Variants in MAGI3 observed in about 807,000 individuals in gnomAD.
MAGI3 encodes membrane associated guanylate kinase, WW and PDZ domain containing 3.
A neutral mutation model predicts 121.8 loss-of-function variants in MAGI3; 43 were observed. The ratio of observed to expected loss-of-function variants is 0.35; its 90% CI spans 0.28 to 0.46. The LOEUF (loss-of-function observed/expected upper bound fraction) is 0.46, where lower values mean the gene tolerates loss of function less well. MAGI3 is among the 20% of genes least tolerant of loss of function. The pLI, the probability that MAGI3 is intolerant of heterozygous loss-of-function variation, is 1.00. For missense variants in MAGI3, 1,547 were observed against 1,797.3 expected (o/e 0.86, Z 2.52); for synonymous variants, 553 against 639.3 (o/e 0.86, Z 2.04).
At chr1:113,451,469 A>G (rs1654480015) in intron 1 of MAGI3, among the ~76,000 whole-genome samples, 1 of 152,328 alleles carries the variant, frequency 6.6e-6, no homozygotes, top group Admixed American at 6.5e-5. Context: ...AACTCCCTAC[A>G]TATGCAGTTT....
rs542981277 is a variant in MAGI3, at chr1:113,478,363, G to A, written c.317-71152G>A. Among the ~76,000 whole-genome samples the A allele has an allele frequency of 2.3e-3, 346 of 152,210 alleles. 2 individuals are homozygous for A. Among genetic ancestry groups the A allele is most frequent in the African/African-American group, 8.0e-3 (332 of 41,530 alleles). On this transcript the variant is annotated intron_variant, in intron 1 of 20. Coordinates refer to ENST00000307546, the MANE Select transcript of MAGI3 (RefSeq NM_001142782.2). Reference sequence around the variant, plus strand: ...CACTCTGGTTTCTCCTCATTTTTGTGGTTTTATCTACCTTTGGTCTTTGAT... The same window carrying A: ...CACTCTGGTTTCTCCTCATTTTTGTAGTTTTATCTACCTTTGGTCTTTGAT...
At chr1:113,555,621 CAT>C (rs1239252797) in intron 2 of MAGI3, among the ~76,000 whole-genome samples, 1 of 152,034 alleles carries the variant, frequency 6.6e-6, no homozygotes, top group Non-Finnish European at 1.5e-5. Context: ...TCATATGAAA[CAT>C]GTTATCTAGC....
intron 1 of MAGI3, among the ~76,000 whole-genome samples, chr1:113,530,675 C>G (rs1276328721): frequency 2.6e-5 from 4 of 151,918 alleles, no homozygotes; most frequent in South Asian, 2.1e-4. Flanking sequence ...AATCCCAGCA[C>G]TTTCGGAGGC....
chr1:113,585,950 T>C (rs962540746), intron 4 of MAGI3, among the ~76,000 whole-genome samples: 7 of 152,230 alleles, frequency 4.6e-5, no homozygotes, highest in Non-Finnish European at 1.0e-4. Flanking sequence ...TGTTTTAGAA[T>C]GTAGACTTCA....
At chr1:113,551,258 T>C (rs989940379) in intron 2 of MAGI3, among the ~76,000 whole-genome samples, 2 of 152,192 alleles carry the variant, frequency 1.3e-5, no homozygotes, top group African/African-American at 2.4e-5. Context: ...CTGCTTGGCC[T>C]AGAGAGGCAC....
At chr1:113,584,373 G>A (rs1258783807) in intron 3 of MAGI3, among the ~76,000 whole-genome samples, 4 of 151,982 alleles carry the variant, frequency 2.6e-5, no homozygotes, top group African/African-American at 9.7e-5. Context: ...ATTCTTTTCT[G>A]GAACATTTAT....
At chr1:113,650,578 A>G (rs1479276894) in intron 13 of MAGI3, among the ~76,000 whole-genome samples, 1 of 152,228 alleles carries the variant, frequency 6.6e-6, no homozygotes, top group East Asian at 1.9e-4. Context: ...TTGTACCGTT[A>G]GTCATATGTG....
chr1:113,680,301 T>C (rs562912972), intron 19 of MAGI3, among the ~76,000 whole-genome samples: 9 of 152,330 alleles, frequency 5.9e-5, no homozygotes, highest in East Asian at 1.9e-4. Context: ...GACATAGCTC[T>C]GTAGTATCAT....
At chr1:113,527,928 A>T (rs1052738472) in intron 1 of MAGI3, among the ~76,000 whole-genome samples, 1 of 152,192 alleles carries the variant, frequency 6.6e-6, no homozygotes, top group African/African-American at 2.4e-5. Flanking sequence ...ATGAATACCC[A>T]TATAACCACC....
chr1:113,422,542 C>G lies in MAGI3; in HGVS notation c.316+31193C>G, dbSNP rs1276236365. On this transcript the variant is annotated intron_variant, in intron 1 of 20. Coordinates refer to ENST00000307546, the MANE Select transcript of MAGI3 (RefSeq NM_001142782.2). The surrounding 1 kb of genome is among the most constrained non-coding windows in gnomAD (Gnocchi z 4.3). ...GCGAGTGTGGGGTCTGGCCACTGCG[C>G]ACAGACAGGCATGCCAGCTGCTGCG... Among the ~76,000 whole-genome samples the G allele has an allele frequency of 6.6e-6, 1 of 152,240 alleles. No individual in the cohort carries two copies. Among genetic ancestry groups the G allele is most frequent in the Non-Finnish European group, 1.5e-5 (1 of 68,038 alleles).
At position 113,487,460 on chromosome 1, in the gene MAGI3, A is replaced by G. The variant is rs1365230410; in HGVS notation, c.317-62055A>G. On this transcript the variant is annotated intron_variant, in intron 1 of 20. Transcript: ENST00000307546. ...CAAATTTTTTTTTGTGAAAAATCAG[A>G]TCTTGGTGATAACCTTGAGCAGTAG... Among the ~76,000 whole-genome samples the G allele has an allele frequency of 2.0e-5, 3 of 152,146 alleles. No individual in the cohort carries two copies. The East Asian group carries it at 5.8e-4, about 29-fold the overall frequency.
rs182624063 is a variant in MAGI3, at chr1:113,645,315, C to T, written c.1999-1171C>T. Among the ~76,000 whole-genome samples, 14 of 152,264 alleles carry T rather than the reference C, an allele frequency of 9.2e-5. No individual in the cohort carries two copies. The East Asian group carries it at 2.1e-3, about 23-fold the overall frequency. ...CTGGGATTACAGGCATGAGCCACTG[C>T]GCCCGGCCAGCTTCTGCCCTTTTCA... On this transcript the variant is annotated intron_variant, in intron 11 of 20. Coordinates refer to ENST00000307546, the MANE Select transcript of MAGI3 (RefSeq NM_001142782.2).
intron 1 of MAGI3, among the ~76,000 whole-genome samples, chr1:113,477,833 G>T (rs950558486): frequency 6.6e-6 from 1 of 152,192 alleles, no homozygotes; most frequent in Non-Finnish European, 1.5e-5. Context: ...TGCCAACTTA[G>T]TTCCATTCTC....
chr1:113,419,717 G>A (rs181962563), intron 1 of MAGI3, among the ~76,000 whole-genome samples: 24 of 152,292 alleles, frequency 1.6e-4, no homozygotes, highest in Non-Finnish European at 2.9e-4. Flanking sequence ...CATTACTGCT[G>A]TAACAGATTC....
chr1:113,677,998 G>A (rs1359864963), intron 19 of MAGI3, among the ~76,000 whole-genome samples: 4 of 152,016 alleles, frequency 2.6e-5, no homozygotes, highest in African/African-American at 9.7e-5. Flanking sequence ...CCACTCTGAG[G>A]GCCTGTCTAC....
intron 1 of MAGI3, among the ~76,000 whole-genome samples, chr1:113,504,857 A>G (rs1040428241): frequency 2.0e-5 from 3 of 152,168 alleles, no homozygotes; most frequent in Non-Finnish European, 4.4e-5. Flanking sequence ...AGATCATTAT[A>G]TTACTATCAC....
intron 1 of MAGI3, among the ~76,000 whole-genome samples, chr1:113,459,714 G>T (rs921033503): frequency 1.3e-5 from 2 of 152,034 alleles, no homozygotes; most frequent in Non-Finnish European, 2.9e-5. Flanking sequence ...ATTTTCAACC[G>T]TGTTTACTGA....
chr1:113,575,889 C>A (rs1570888474), intron 2 of MAGI3, among the ~76,000 whole-genome samples: 4 of 152,334 alleles, frequency 2.6e-5, no homozygotes, highest in East Asian at 1.9e-4. Flanking sequence ...ATGCCCTGCC[C>A]AGTGAGGAGG....
intron 5 of MAGI3, among the ~76,000 whole-genome samples, chr1:113,592,562 GC>G (rs1648750834): frequency 6.6e-6 from 1 of 151,964 alleles, no homozygotes; most frequent in African/African-American, 2.4e-5. Context: ...TGGCTCCTAG[GC>G]CCCTGAGTTC....
Sources: gnomAD v4.1 joint callset for allele counts (sites outside exome capture counted in the v4.1 genomes callset) on GRCh38, gnomAD v4.1.1 for gene constraint, Gnocchi (gnomAD v3.1) non-coding constraint, MANE v1.5 for transcripts, NCBI Gene and HGNC (gene_info 2026-07-23, HGNC 2026-07-21) for gene names.